FCRL5: variants seen among roughly 807,000 people sequenced by gnomAD.
FCRL5 encodes Fc receptor-like protein 5.
FCRL5 carries 79 observed loss-of-function variants against 92.1 expected under a neutral mutation model. That is an observed-to-expected ratio of 0.86 (90% CI 0.72 to 1.03). FCRL5 has a LOEUF of 1.03. Among genes scored for constraint, FCRL5 ranks in the 50% least tolerant of loss-of-function variants. The pLI is 0.00. For synonymous variants in FCRL5, 466 were observed against 469.3 expected (o/e 0.99, Z 0.09); for missense variants, 1,160 against 1,181.1 (o/e 0.98, Z 0.26).
intron 7 of FCRL5, among the ~76,000 whole-genome samples, chr1:157,536,434 C>G (rs1486969778): frequency 6.6e-6 from 1 of 152,206 alleles, no homozygotes. Context: ...GGGGTTCTGT[C>G]CAACTGGACA....
In FCRL5 at chr1:157,515,264, C is replaced by CT; in HGVS notation, c.*410dup. On this transcript the variant is annotated 3_prime_UTR_variant, in exon 17 of 17. Transcript: ENST00000361835. ...AATGCATCCACCCAAAGCAGGAACT[C>CT]TGTGTCGGAGTTTAGGAGCACCTGA... The CT allele has an allele frequency of 3.6e-6, 1 of 280,222 alleles. No individual in the cohort carries two copies. The highest frequency in any genetic ancestry group is 8.6e-5 in the East Asian group (1 of 11,694). The allele number at this position is 280,222 out of a possible 1,614,324, so 17.4% of individuals were successfully genotyped here.
At chr1:157,538,375 C>T (rs529967701) in intron 7 of FCRL5, among the ~76,000 whole-genome samples, 1 of 152,322 alleles carries the variant, frequency 6.6e-6, no homozygotes, top group Admixed American at 6.5e-5. Context: ...ATCACACTGT[C>T]TCCTTCAACA....
At position 157,543,002 on chromosome 1, in the gene FCRL5, G is replaced by A; in HGVS notation, c.980C>T (p.Pro327Leu). Reference protein sequence around the residue: ...TLYRFYHEGVPLRHKSVRCER... With the variant: ...TLYRFYHEGVLLRHKSVRCER... The stretch of plus-strand genomic sequence containing the variant: ...ACAGCGGACTGACTTGTGCCTCAGG[G>A]GGACACCCTCATGATAAAACCTGTA... Residue 327 changes from proline (P) to leucine (L), a missense_variant, in exon 6 of 17, where the codon CCC becomes CTC. Physicochemically the swap from Pro to Leu is moderately conservative, Grantham distance 98 (BLOSUM62 -3). Coordinates refer to ENST00000361835, the MANE Select transcript of FCRL5 (RefSeq NM_031281.3). 3 of 1,614,190 alleles carry A rather than the reference G, an allele frequency of 1.9e-6. 1 individual carries two copies. The highest frequency in any genetic ancestry group is 2.2e-5 in the South Asian group (2 of 91,076).
At chr1:157,552,254 A>G (rs1651854486) in intron 1 of FCRL5, 78 bp downstream of exon 1, 1 of 1,449,080 alleles carries the variant, frequency 6.9e-7, no homozygotes, top group Admixed American at 1.7e-5. Context: ...GCTGAGCCCC[A>G]AGAAAGGACC....
intron 8 of FCRL5, among the ~76,000 whole-genome samples, chr1:157,529,155 A>G (rs1650573156): frequency 6.6e-6 from 1 of 152,264 alleles, no homozygotes; most frequent in South Asian, 2.1e-4. Flanking sequence ...GGACATGAAT[A>G]GAATATTTTC....
Position 157,513,745 on chromosome 1 carries a change from A to T in FCRL5, c.*1930T>A, listed in dbSNP as rs1196796376. The T allele has an allele frequency of 2.6e-5, 4 of 152,022 alleles. No individual in the cohort carries two copies. Among genetic ancestry groups the T allele is most frequent in the Non-Finnish European group, 4.4e-5 (3 of 68,026 alleles). The allele number at this position is 152,022 out of a possible 1,614,324, so 9.4% of individuals were successfully genotyped here. A position where few individuals can be genotyped will look rare whatever the true frequency, so the allele number is the denominator to read the frequency against. The stretch of plus-strand genomic sequence containing the variant: ...TTACTCTCCCAATGAGAAATTCTAA[A>T]TTTCCTCTTTTGAGCCTGGTGCCTC... On this transcript the variant is annotated 3_prime_UTR_variant, in exon 17 of 17. Transcript: ENST00000361835.
rs762021689 is a variant in FCRL5 at position 157,521,254 on chromosome 1, C to T, written c.2278G>A (p.Gly760Arg). ...SRPVLTLRAP[G>R]THAAVGDLLE... ...AGGTCCCCCACCGCAGCATGGGTCC[C>T]GGGAGCCCTGAGGGTGAGGACCGGG... Residue 760 changes from glycine to arginine, a missense_variant, in exon 11 of 17, where the codon GGG (glycine) becomes AGG (arginine). By Grantham distance (125) the Gly-to-Arg change is moderately radical. Transcript: ENST00000361835. 9 of 1,613,716 alleles carry T rather than the reference C, an allele frequency of 5.6e-6. No homozygotes were observed. Among genetic ancestry groups the T allele is most frequent in the East Asian group, 2.2e-5 (1 of 44,856 alleles).
At chr1:157,531,082 G>C (rs1160866418) in intron 8 of FCRL5, among the ~76,000 whole-genome samples, 1 of 152,124 alleles carries the variant, frequency 6.6e-6, no homozygotes, top group Non-Finnish European at 1.5e-5. Context: ...GTTTATGTCT[G>C]ACAAGGTGTT....
At chr1:157,530,318 T>G (rs181952879) in intron 8 of FCRL5, among the ~76,000 whole-genome samples, 15 of 152,340 alleles carry the variant, frequency 9.8e-5, no homozygotes, top group African/African-American at 3.4e-4. Context: ...CAATAAAGTA[T>G]AACTTTTACA....
intron 10 of FCRL5, 111 bp from the exon 11 acceptor site, chr1:157,521,403 T>A (rs1340079675): frequency 9.2e-6 from 12 of 1,297,960 alleles, no homozygotes; most frequent in African/African-American, 3.0e-5. Flanking sequence ...GGAAAGTAGA[T>A]TAAAACATAG....
Position 157,539,118 on chromosome 1 carries a change from TG to T in FCRL5, c.1369del (p.Gln457SerfsTer6), listed in dbSNP as rs1303082030. On this transcript the variant is annotated frameshift_variant, in exon 7 of 17. Transcript: ENST00000361835. LOFTEE classifies it high-confidence loss of function. ...YCTADNGFGP[Q>X]RSKAVSLSVT... ...GGAGAGGCTCACCGCCTTACTGCGC[TG>T]GGGGCCAAAGCCATTGTCAGCTGTG... 6.2e-7 allele frequency: 1 copy of T among 1,613,982 alleles called. No individual in the cohort carries two copies. Among genetic ancestry groups the T allele is most frequent in the East Asian group, 2.2e-5 (1 of 44,878 alleles).
At chr1:157,547,219 A>T (rs1280098538) in intron 2 of FCRL5, 22 bp from the exon 3 acceptor site, 2 of 1,611,870 alleles carry the variant, frequency 1.2e-6, no homozygotes, top group Non-Finnish European at 1.7e-6. Context: ...AGAGAAAAGG[A>T]GTCTGAGGTG....
At chr1:157,547,579 A>T (rs1651618936) in intron 2 of FCRL5, among the ~76,000 whole-genome samples, 1 of 152,230 alleles carries the variant, frequency 6.6e-6, no homozygotes, top group South Asian at 2.1e-4. Flanking sequence ...ACTTTCCCTA[A>T]GAGAATAAAT....
At chr1:157,515,812 G>A (rs371889918) in intron 16 of FCRL5, 30 bp downstream of exon 16, 3 of 1,613,898 alleles carry the variant, frequency 1.9e-6, no homozygotes, top group East Asian at 4.5e-5. Context: ...GCCTGGGGGT[G>A]GGGGAGGGCA....
chr1:157,552,427 G>T lies in FCRL5; in HGVS notation c.-65C>A. The T allele has an allele frequency of 2.5e-6, 4 of 1,570,026 alleles. No individual in the cohort carries two copies. The highest frequency in any genetic ancestry group is 3.5e-6 in the Non-Finnish European group (4 of 1,140,156). ...TTTCCTCAATTCCAAAACAGGTTTG[G>T]ACTTGATCTTACAGTCAGGACACTG... On this transcript the variant is annotated 5_prime_UTR_variant, in exon 1 of 17. Transcript: ENST00000361835.
Position 157,527,765 on chromosome 1 carries a change from A to C in FCRL5, c.1812T>G (p.Asp604Glu). 1 of 1,614,190 alleles carries C rather than the reference A, an allele frequency of 6.2e-7. No homozygotes were observed. The highest frequency in any genetic ancestry group is 8.5e-7 in the Non-Finnish European group (1 of 1,180,022). Reference sequence around the variant, plus strand: ...GGGCTGAGCTGCTCCCCAGGGTGACATCCTCATGATAAAACCAGTACAGGA... The same window carrying C: ...GGGCTGAGCTGCTCCCCAGGGTGACCTCCTCATGATAAAACCAGTACAGGA... The part of the protein sequence containing the change: ...PPILYWFYHE[D>E]VTLGSSSAPS... The change falls in exon 9 of 17, where the codon GAT (aspartate) becomes GAG (glutamate). Residue 604 changes from aspartate to glutamate, a missense_variant. By Grantham distance (45) the Asp-to-Glu change is conservative. Coordinates refer to ENST00000361835, the MANE Select transcript of FCRL5 (RefSeq NM_031281.3).
intron 10 of FCRL5, chr1:157,522,002 T>C (rs1650221326): frequency 6.6e-6 from 1 of 152,214 alleles, no homozygotes; most frequent in Admixed American, 6.5e-5. Flanking sequence ...GAAACATGAA[T>C]GATATCCAAG....
intron 10 of FCRL5, chr1:157,523,881 A>T: frequency 3.8e-6 from 1 of 261,614 alleles, no homozygotes; most frequent in Non-Finnish European, 7.2e-6. Context: ...AAAGAGACTC[A>T]AGAGTAGAGG....
At chr1:157,524,176 C>G in intron 10 of FCRL5, 103 bp downstream of exon 10, 1 of 1,291,374 alleles carries the variant, frequency 7.7e-7, no homozygotes, top group South Asian at 1.4e-5. Context: ...GGATGCCACA[C>G]AAGCAAACAG....
Sources: allele counts gnomAD v4.1 joint callset (sites outside exome capture counted in the v4.1 genomes callset), GRCh38; gene constraint gnomAD v4.1.1; transcripts MANE v1.5; gene names NCBI Gene and HGNC (gene_info 2026-07-23, HGNC 2026-07-21).